ITSN1: variants seen among roughly 807,000 people sequenced by gnomAD.
ITSN1 encodes intersectin-1.
In ITSN1, 58 loss-of-function variants were observed where a neutral mutation model predicts 239.8. That is an observed-to-expected ratio of 0.24 (90% confidence interval 0.20 to 0.30). The LOEUF (loss-of-function observed/expected upper bound fraction) is 0.30, where lower values mean the gene tolerates loss of function less well. Among genes scored for constraint, ITSN1 ranks in the 10% least tolerant of loss-of-function variants. The pLI is 1.00. For synonymous variants in ITSN1, 780 were observed against 770.8 expected (o/e 1.01, Z -0.20); for missense variants, 1,558 against 2,103.3 (o/e 0.74, Z 5.07).
In ITSN1 at chr21:33,643,072, C is replaced by T. The variant is rs1170559608; in HGVS notation, c.-33+359C>T. Among the ~76,000 whole-genome samples, 11 of 150,612 alleles carry T rather than the reference C, an allele frequency of 7.3e-5. No individual in the cohort carries two copies. In the East Asian group the frequency reaches 1.8e-3, roughly 24 times the overall value. ...CTCGCGGGGACCCCGGGCGGCCGCTCCTTCCCGGGCTGACCTCGCTGCCCT... is the reference window on the plus strand; with the variant it reads ...CTCGCGGGGACCCCGGGCGGCCGCTTCTTCCCGGGCTGACCTCGCTGCCCT... On this transcript the variant is annotated intron_variant, in intron 1 of 39. Coordinates refer to ENST00000381318, the MANE Select transcript of ITSN1 (RefSeq NM_003024.3).
In ITSN1 at chr21:33,818,531, G is replaced by T. The variant is rs1222587949; in HGVS notation, c.2933+59G>T. On this transcript the variant is annotated intron_variant, in intron 23 of 39. Transcript: ENST00000381318. ...AAACAATATTAGGCGTTATATTACT[G>T]TTTGCACTAGTTAAGATTCACAGAC... 6.6e-6 allele frequency: 9 copies of T among 1,371,496 alleles called. No individual in the cohort carries two copies. The East Asian group carries it at 1.8e-4, about 28-fold the overall frequency. The allele number at this position is 1,371,496 out of a possible 1,614,324, so 85.0% of individuals were successfully genotyped here. A position where few individuals can be genotyped will look rare whatever the true frequency, so the allele number is the denominator to read the frequency against.
chr21:33,872,449 T>C (rs1982913293), intron 33 of ITSN1, among the ~76,000 whole-genome samples: 1 of 152,260 alleles, frequency 6.6e-6, no homozygotes, highest in South Asian at 2.1e-4. Context: ...TGGAACATTG[T>C]ACTATAAAGC....
chr21:33,773,241 C>T (rs1020920158), intron 12 of ITSN1, among the ~76,000 whole-genome samples: 8 of 152,154 alleles, frequency 5.3e-5, no homozygotes, highest in East Asian at 1.9e-4. Flanking sequence ...CTCCTGACCT[C>T]GGGTGATCCA....
intron 34 of ITSN1, among the ~76,000 whole-genome samples, chr21:33,881,390 G>C (rs1290849785): frequency 2.2e-5 from 3 of 137,254 alleles, no homozygotes; most frequent in African/African-American, 8.5e-5. Context: ...CTGGGCGACA[G>C]AGTGAGACTC....
intron 29 of ITSN1, among the ~76,000 whole-genome samples, chr21:33,849,458 C>A (rs143478841): frequency 2.0e-5 from 3 of 148,954 alleles, no homozygotes; most frequent in Non-Finnish European, 3.0e-5. Context: ...CCCAGCTACT[C>A]GGGAGGCTGA....
intron 24 of ITSN1, among the ~76,000 whole-genome samples, chr21:33,820,168 A>G (rs1461968621): frequency 3.3e-5 from 5 of 152,170 alleles, no homozygotes; most frequent in African/African-American, 1.2e-4. Context: ...AGTATTTATT[A>G]TGCAAATAAT....
intron 11 of ITSN1, among the ~76,000 whole-genome samples, chr21:33,771,367 AG>A (rs2069145728): frequency 6.6e-6 from 1 of 152,188 alleles, no homozygotes; most frequent in Non-Finnish European, 1.5e-5. Flanking sequence ...GTTGGTACCA[AG>A]GAGGATTGCG....
intron 28 of ITSN1, among the ~76,000 whole-genome samples, chr21:33,836,216 T>C (rs1265369500): frequency 6.6e-6 from 1 of 152,192 alleles, no homozygotes; most frequent in East Asian, 1.9e-4. Context: ...GAGGACGATA[T>C]CATAAAAACT....
chr21:33,793,967 T>G (rs1163341052), intron 16 of ITSN1, among the ~76,000 whole-genome samples: 1 of 152,198 alleles, frequency 6.6e-6, no homozygotes, highest in Non-Finnish European at 1.5e-5. Flanking sequence ...TGGTGTTGAT[T>G]GATAATCAAA....
At chr21:33,760,266 T>C (rs1238313602) in intron 8 of ITSN1, among the ~76,000 whole-genome samples, 1 of 152,082 alleles carries the variant, frequency 6.6e-6, no homozygotes, top group Non-Finnish European at 1.5e-5. Flanking sequence ...GGACAGGCTA[T>C]TTGGTTAGAA....
chr21:33,682,214 T>A (rs2091001554), intron 1 of ITSN1, among the ~76,000 whole-genome samples: 1 of 151,654 alleles, frequency 6.6e-6, no homozygotes, highest in African/African-American at 2.4e-5. Flanking sequence ...CCTTTCTTTC[T>A]TTTCTTTTTT....
At chr21:33,810,323 A>G (rs762359899) in intron 20 of ITSN1, among the ~76,000 whole-genome samples, 5 of 152,218 alleles carry the variant, frequency 3.3e-5, no homozygotes, top group Non-Finnish European at 7.3e-5. Context: ...CTGAATATGC[A>G]AGTTAAATTT....
At chr21:33,834,689 A>G (rs1429605499) in intron 28 of ITSN1, among the ~76,000 whole-genome samples, 1 of 152,164 alleles carries the variant, frequency 6.6e-6, no homozygotes, top group Admixed American at 6.5e-5. Flanking sequence ...TGTGGCATTA[A>G]GGCCACATTT....
At chr21:33,746,795 T>C (rs1569084608) in intron 5 of ITSN1, among the ~76,000 whole-genome samples, 2 of 151,876 alleles carry the variant, frequency 1.3e-5, no homozygotes, top group Admixed American at 6.6e-5. Context: ...TGAGACGAAA[T>C]TGCGCCATTA....
chr21:33,767,931 A>G, intron 11 of ITSN1, 103 bp downstream of exon 11: 1 of 635,764 alleles, frequency 1.6e-6, no homozygotes, highest in Admixed American at 3.1e-5. Flanking sequence ...TTAGTTTTTG[A>G]CATTTTTGCC....
chr21:33,681,267 G>A (rs182931127), intron 1 of ITSN1, among the ~76,000 whole-genome samples: 2 of 152,288 alleles, frequency 1.3e-5, no homozygotes, highest in East Asian at 3.9e-4. Context: ...GAGAGGTTGG[G>A]GGCAGGCAGG....
chr21:33,875,022 A>C (rs950854777), intron 33 of ITSN1, among the ~76,000 whole-genome samples: 12 of 152,222 alleles, frequency 7.9e-5, no homozygotes, highest in African/African-American at 2.7e-4. Flanking sequence ...GTGAGTCTGC[A>C]TGTGTGGCTT....
In ITSN1 at chr21:33,735,133, A is replaced by G. The variant is rs983870457; in HGVS notation, c.275A>G (p.Tyr92Cys). Residue 92 changes from tyrosine (Y) to cysteine (C), a missense_variant, in exon 5 of 40, where the codon TAT (tyrosine) becomes TGT (cysteine). By Grantham distance (194) the Tyr-to-Cys change is radical (BLOSUM62 -2). Around this residue, in one of 2 missense-constraint regions of ITSN1, gnomAD observed 982 missense variants for 1,209.9 expected, o/e 0.81. Transcript: ENST00000381318. ...CTTATCAAACTGAAGCTACAAGGAT[A>G]TCAGCTACCCTCTGCACTTCCCCCT... Reference protein sequence around the residue: ...MKLIKLKLQGYQLPSALPPVM... With the variant: ...MKLIKLKLQGCQLPSALPPVM... 1.2e-6 allele frequency: 2 copies of G among 1,613,926 alleles called. No individual in the cohort carries two copies.
Position 33,782,107 on chromosome 21 carries a change from A to G in ITSN1, c.1798A>G (p.Ile600Val), listed in dbSNP as rs1050984846. The stretch of plus-strand genomic sequence containing the variant: ...AGAAACTAGATCAAAACTACAGGAG[A>G]TTGATATTTTCAATAATCAGCTGAA... ...EKETRSKLQE[I>V]DIFNNQLKEL... The change falls in exon 16 of 40, where the codon ATT becomes GTT. Residue 600 changes from isoleucine (I) to valine (V), a missense_variant. Around this residue, in one of 2 missense-constraint regions of ITSN1, gnomAD observed 982 missense variants for 1,209.9 expected, o/e 0.81. Transcript: ENST00000381318. 3.7e-6 allele frequency: 6 copies of G among 1,613,624 alleles called. No homozygotes were observed. Among genetic ancestry groups the G allele is most frequent in the Non-Finnish European group, 5.1e-6 (6 of 1,179,798 alleles).
Sources: gnomAD v4.1 joint callset for allele counts (sites outside exome capture counted in the v4.1 genomes callset) on GRCh38, gnomAD v4.1.1 for gene constraint, gnomAD v4.1.1 regional missense constraint, MANE v1.5 for transcripts, NCBI Gene and HGNC (gene_info 2026-07-23, HGNC 2026-07-21) for gene names.